The following TTN variants were observed in gnomAD, a reference collection of about 807,000 sequenced individuals.
TTN encodes the protein connectin.
In TTN, 1,525 loss-of-function variants were observed where a neutral mutation model predicts 3,223.0. That is an observed-to-expected ratio of 0.47 (90% CI 0.45 to 0.49). TTN has a LOEUF of 0.49. Ranked by LOEUF, TTN falls within the 20% of genes least tolerant of loss-of-function variation. The pLI, the probability that TTN is intolerant of heterozygous loss-of-function variation, is 0.00. For missense variants in TTN, 40,786 were observed against 43,424.0 expected, an observed-to-expected ratio of 0.94 and a Z score of 5.40; for synonymous variants, 14,094 against 15,161.0, an observed-to-expected ratio of 0.93 and a Z score of 5.17.
chr2:178,698,931 A>AG lies in TTN; in HGVS notation c.30683-18dup, dbSNP rs1553869103. 1.4e-6 allele frequency: 2 copies of AG among 1,465,400 alleles called. No individual in the cohort carries two copies. Among genetic ancestry groups the AG allele is most frequent in the South Asian group, 1.4e-5 (1 of 70,564 alleles). The allele number at this position is 1,465,400 out of a possible 1,614,324, so 90.8% of individuals were successfully genotyped here. On this transcript the variant is annotated splice_polypyrimidine_tract_variant and intron_variant, in intron 111 of 362. Coordinates refer to ENST00000589042, the MANE Select transcript of TTN (RefSeq NM_001267550.2). ...TTTTGGTAACTAAAAAAAAAAAAAA[A>AG]GAAAAAAAAAGAAAAAATATTTCTG...
chr2:178,588,134 A>G lies in TTN; in HGVS notation c.63273T>C (p.Asp21091=), dbSNP rs374168580. 4.4e-4 allele frequency: 715 copies of G among 1,611,788 alleles called. No individual in the cohort carries two copies. The highest frequency in any genetic ancestry group is 5.6e-4 in the Non-Finnish European group (656 of 1,178,516). ...CATATCCAATGATCGGTGCACCACC[A>G]TCATAGACTGGTTTTCCCCACCCAA... ...ITLGWGKPVY[D]GGAPIIGYVV... is the part of the protein sequence containing the mutation. The change falls in exon 305 of 363, where the codon GAT becomes GAC. Residue 21091 remains aspartate, a synonymous_variant. Coordinates refer to ENST00000589042, the MANE Select transcript of TTN (RefSeq NM_001267550.2).
Position 178,545,489 on chromosome 2 carries a change from A to G in TTN, c.95621T>C (p.Met31874Thr). The stretch of plus-strand genomic sequence containing the variant: ...CCGGAACTGGTAATCACAACCCTCC[A>G]TCAGGCTGGTCACCTTCAGCCTGGT... ...YDTRLKVTSL[M>T]EGCDYQFRVT... The change falls in exon 344 of 363, where the codon ATG becomes ACG. Residue 31874 changes from methionine (M) to threonine (T), a missense_variant. Physicochemically the swap from Met to Thr is moderately conservative, Grantham distance 81 (BLOSUM62 -1). Coordinates refer to ENST00000589042, the MANE Select transcript of TTN (RefSeq NM_001267550.2). The G allele has an allele frequency of 6.2e-7, 1 of 1,613,586 alleles. No homozygotes were observed. The highest frequency in any genetic ancestry group is 8.5e-7 in the Non-Finnish European group (1 of 1,179,602).
chr2:178,742,207 A>G (rs898685713), intron 47 of TTN, among the ~76,000 whole-genome samples: 2 of 152,102 alleles, frequency 1.3e-5, no homozygotes, highest in African/African-American at 4.8e-5. Flanking sequence ...CTTGAGATAT[A>G]ATTCCAATTT....
Position 178,584,830 on chromosome 2 carries a change from C to G in TTN, c.64811G>C (p.Arg21604Pro), listed in dbSNP as rs188996850. 1.2e-6 allele frequency: 2 copies of G among 1,613,340 alleles called. No homozygotes were observed. Among genetic ancestry groups the G allele is most frequent in the East Asian group, 4.5e-5 (2 of 44,790 alleles). ...NYIVEKCDVS[R>P]GDWVTALASV... ...AGCTAGAGCCGTGACCCAGTCACCT[C>G]GGCTTACATCACACTTCTCCACTAT... is the stretch of plus-strand genomic sequence containing the variant. Residue 21604 changes from arginine to proline, a missense_variant, in exon 310 of 363, where the codon CGA becomes CCA. Transcript: ENST00000589042.
intron 282 of TTN, among the ~76,000 whole-genome samples, chr2:178,603,246 C>T (rs2053924076): frequency 6.6e-6 from 1 of 151,966 alleles, no homozygotes. Flanking sequence ...CTCCACATAG[C>T]ACTTGAGTAT....
Position 178,544,346 on chromosome 2 carries a change from G to T in TTN, c.95883C>A (p.Thr31961=). The T allele has an allele frequency of 6.2e-7, 1 of 1,613,688 alleles. No homozygotes were observed. The highest frequency in any genetic ancestry group is 1.1e-5 in the South Asian group (1 of 91,082). ...ATTCAGTATTTCTTATTGTGGCATT[G>T]GTATGCACTCGGTACCACTGATCAG... ...KDTDQWYRVH[T]NATIRNTEFT... The change falls in exon 345 of 363, where the codon ACC becomes ACA. Residue 31961 remains threonine, a synonymous_variant. Transcript: ENST00000589042.
At chr2:178,781,808 A>G (rs936797400) in intron 20 of TTN, among the ~76,000 whole-genome samples, 2 of 152,116 alleles carry the variant, frequency 1.3e-5, no homozygotes, top group African/African-American at 4.8e-5. Context: ...TTTTGTGCAT[A>G]ACTAGCTTTC....
chr2:178,732,060 A>G lies in TTN; in HGVS notation c.16903+6T>C. The stretch of plus-strand genomic sequence containing the variant: ...TGGCAACACAAGAGGCAAAGTGAAC[A>G]CAAACCTTTGACTATTACAATGCTA... On this transcript the variant is annotated splice_donor_region_variant and intron_variant, in intron 57 of 362. Transcript: ENST00000589042. 1 of 1,596,650 alleles carries G rather than the reference A, an allele frequency of 6.3e-7. No homozygotes were observed.
At position 178,721,113 on chromosome 2, in the gene TTN, G is replaced by C. The variant is rs1220583171; in HGVS notation, c.22906C>G (p.Pro7636Ala). ...IQLECKISGS[P>A]EIKVSWFRND... Reference sequence around the variant, plus strand: ...CGGAACCATGAAACTTTGATTTCTGGGGAGCCACTTATTTTACATTCCAGT... The same window carrying C: ...CGGAACCATGAAACTTTGATTTCTGCGGAGCCACTTATTTTACATTCCAGT... Residue 7636 changes from proline (P) to alanine (A), a missense_variant, in exon 79 of 363, where the codon CCA becomes GCA. Transcript: ENST00000589042. The C allele has an allele frequency of 1.2e-6, 2 of 1,613,188 alleles. No homozygotes were observed. The highest frequency in any genetic ancestry group is 1.7e-6 in the Non-Finnish European group (2 of 1,179,352).
Position 178,592,999 on chromosome 2 carries a change from T to C in TTN, c.59120A>G (p.Asp19707Gly). Residue 19707 changes from aspartate (D) to glycine (G), a missense_variant, in exon 300 of 363, where the codon GAT becomes GGT. By Grantham distance (94) the Asp-to-Gly change is moderately conservative. Coordinates refer to ENST00000589042, the MANE Select transcript of TTN (RefSeq NM_001267550.2). ...ATAACCCAGAATCTTGCTCCCACCA[T>C]CATGACGTGGTGGCTGCCAAGTTAG... ...VDLTWQPPRH[D>G]GGSKILGYIV... The C allele has an allele frequency of 6.2e-7, 1 of 1,613,462 alleles. No individual in the cohort carries two copies.
rs758287054 is a variant in TTN at position 178,592,549 on chromosome 2, G to A, written c.59456C>T (p.Thr19819Ile). The change falls in exon 301 of 363, where the codon ACT (threonine) becomes ATT (isoleucine). Residue 19819 changes from threonine (T) to isoleucine (I), a missense_variant. Thr to Ile is a moderately conservative substitution (Grantham distance 89). Coordinates refer to ENST00000589042, the MANE Select transcript of TTN (RefSeq NM_001267550.2). Reference sequence around the variant, plus strand: ...AGCATCTCTGTCTTCTTTTTTCCAAGTTACTTTTGGGAATGGCACTCCTTT... The same window carrying A: ...AGCATCTCTGTCTTCTTTTTTCCAAATTACTTTTGGGAATGGCACTCCTTT... ...IIKGVPFPKV[T>I]WKKEDRDAPT... The A allele has an allele frequency of 5.0e-6, 8 of 1,613,322 alleles. No homozygotes were observed. The African/African-American group carries it at 1.1e-4, about 22-fold the overall frequency.
At chr2:178,649,507 A>G (rs757711621) in intron 212 of TTN, 47 bp downstream of exon 212, 149 of 1,516,470 alleles carry the variant, frequency 9.8e-5, no homozygotes, top group Non-Finnish European at 1.3e-4. Flanking sequence ...CCACTTTAAG[A>G]TATCAGAATA....
At chr2:178,641,375 G>T in intron 219 of TTN, 60 bp from the exon 220 acceptor site, 1 of 1,004,250 alleles carries the variant, frequency 1.0e-6, no homozygotes, top group Non-Finnish European at 1.4e-6. Context: ...TGTTGAATAA[G>T]CTTGACAAAT....
Position 178,555,443 on chromosome 2 carries a change from A to G in TTN, c.88307-291T>C, listed in dbSNP as rs74906823. 8.2e-3 allele frequency: 2,527 copies of G among 309,770 alleles called. 73 individuals carry two copies. The highest frequency in any genetic ancestry group is 0.052 in the African/African-American group (2,368 of 45,328). The allele number at this position is 309,770 out of a possible 1,614,324, so 19.2% of individuals were successfully genotyped here. Reference sequence around the variant, plus strand: ...AGAAATGGGATATGGTAGTGAGAACATCATGGAAGAAGCTGTTAAAACATT... The same window carrying G: ...AGAAATGGGATATGGTAGTGAGAACGTCATGGAAGAAGCTGTTAAAACATT... On this transcript the variant is annotated intron_variant, in intron 330 of 362. Coordinates refer to ENST00000589042, the MANE Select transcript of TTN (RefSeq NM_001267550.2).
In TTN at chr2:178,536,975, T is replaced by C; in HGVS notation, c.100134A>G (p.Leu33378=). 1 of 1,613,370 alleles carries C rather than the reference T, an allele frequency of 6.2e-7. No individual in the cohort carries two copies. ...TAATGATCACAACTGAGGACACTTCTAGAGGGTCACTGATGCCGAAAGTGT... is the reference window on the plus strand; with the variant it reads ...TAATGATCACAACTGAGGACACTTCCAGAGGGTCACTGATGCCGAAAGTGT... ...AQNTFGISDP[L]EVSSVVIIKS... is the part of the protein sequence containing the mutation. Residue 33378 remains leucine (L), a synonymous_variant, in exon 356 of 363, where the codon CTA becomes CTG. Coordinates refer to ENST00000589042, the MANE Select transcript of TTN (RefSeq NM_001267550.2).
chr2:178,625,244 C>T (rs1221084295), intron 241 of TTN, 29 bp downstream of exon 241: 3 of 1,600,620 alleles, frequency 1.9e-6, no homozygotes, highest in Admixed American at 3.4e-5. Flanking sequence ...CTGCCTTATA[C>T]ATGTTTTTAA....
chr2:178,543,196 G>T lies in TTN; in HGVS notation c.96777C>A (p.Val32259=), dbSNP rs1695467196. The change falls in exon 347 of 363, where the codon GTC becomes GTA. Residue 32259 remains valine (V), a synonymous_variant. Transcript: ENST00000589042. The part of the protein sequence containing the change: ...WMKVVTLKPT[V]LEHTVTSLNE... The stretch of plus-strand genomic sequence containing the variant: ...TTAAGGAAGTAACAGTGTGCTCTAG[G>T]ACTGTGGGTTTTAAGGTGACAACCT... The T allele has an allele frequency of 1.9e-6, 3 of 1,613,686 alleles. No individual in the cohort carries two copies. Among genetic ancestry groups the T allele is most frequent in the South Asian group, 1.1e-5 (1 of 91,066 alleles).
rs546105899 is a variant in TTN at position 178,683,210 on chromosome 2, C to T, written c.32887+1G>A. 7 of 1,539,650 alleles carry T rather than the reference C, an allele frequency of 4.5e-6. No individual in the cohort carries two copies. In the East Asian group the frequency reaches 1.5e-4, roughly 32 times the overall value. On this transcript the variant is annotated splice_donor_variant, in intron 134 of 362. Coordinates refer to ENST00000589042, the MANE Select transcript of TTN (RefSeq NM_001267550.2). LOFTEE classifies it high-confidence loss of function. ...CATTACTTAATCAAAGTTCAATATA[C>T]CTTTGATGGGTTGAGGTTCTCTTTT...
chr2:178,640,863 A>G (rs1208613055), intron 220 of TTN, among the ~76,000 whole-genome samples: 2 of 151,824 alleles, frequency 1.3e-5, no homozygotes, highest in Admixed American at 1.3e-4. Context: ...AATCACTTCT[A>G]TAATAGTTCC....
Sources: gnomAD v4.1 joint callset for allele counts (sites outside exome capture counted in the v4.1 genomes callset) on GRCh38, gnomAD v4.1.1 for gene constraint, MANE v1.5 for transcripts, NCBI Gene and HGNC (gene_info 2026-07-23, HGNC 2026-07-21) for gene names.